The following LRRC28 variants were observed in gnomAD, a reference collection of about 807,000 sequenced individuals.
LRRC28 encodes the protein leucine-rich repeat-containing protein 28.
LRRC28 carries 39 observed loss-of-function variants against 45.7 expected under a neutral mutation model. The observed-to-expected ratio is 0.85, with a 90% CI of 0.66 to 1.12. The LOEUF is 1.12. LRRC28 is among the 50% of genes most tolerant of loss of function. The pLI, the probability that LRRC28 is intolerant of heterozygous loss-of-function variation, is 0.00. For synonymous variants in LRRC28, 206 were observed against 178.8 expected, an observed-to-expected ratio of 1.15 and a Z score of -1.22; for missense variants, 435 against 438.5, an observed-to-expected ratio of 0.99 and a Z score of 0.07.
chr15:99,307,170 T>C (rs1244373522), intron 5 of LRRC28, among the ~76,000 whole-genome samples: 1 of 152,182 alleles, frequency 6.6e-6, no homozygotes, highest in Non-Finnish European at 1.5e-5. Flanking sequence ...ACTAGACTTT[T>C]GGCAGATAGA....
intron 3 of LRRC28, among the ~76,000 whole-genome samples, chr15:99,280,066 A>G (rs777211204): frequency 2.6e-5 from 4 of 152,172 alleles, no homozygotes; most frequent in Non-Finnish European, 4.4e-5. Context: ...GACTAATGAT[A>G]TTGAACATCC....
At chr15:99,352,332 G>A (rs973851424) in intron 6 of LRRC28, 37 bp from the exon 7 acceptor site, 7 of 1,339,960 alleles carry the variant, frequency 5.2e-6, no homozygotes, top group Non-Finnish European at 7.5e-6. Flanking sequence ...AATGGTGCCT[G>A]TATATAGGAA....
intron 6 of LRRC28, among the ~76,000 whole-genome samples, chr15:99,336,055 G>A (rs936184924): frequency 1.3e-5 from 2 of 152,078 alleles, no homozygotes; most frequent in African/African-American, 4.8e-5. Context: ...TAATGTTGTT[G>A]TTATTACAGA....
rs143900450 is a variant in LRRC28 at position 99,308,415 on chromosome 15, C to T, written c.385+20464C>T. ...ATCATGGTGGCTCACACCTATAATC[C>T]CAGCACTTTGGGAGGCCGAGGTAGG... On this transcript the variant is annotated intron_variant, in intron 5 of 9. Transcript: ENST00000301981. Among the ~76,000 whole-genome samples the T allele has an allele frequency of 5.9e-4, 89 of 152,084 alleles. 2 individuals carry two copies. The East Asian group carries it at 0.017, about 29-fold the overall frequency.
intron 4 of LRRC28, among the ~76,000 whole-genome samples, chr15:99,287,568 T>C (rs1309195180): frequency 1.3e-5 from 2 of 152,220 alleles, no homozygotes; most frequent in Non-Finnish European, 2.9e-5. Flanking sequence ...AAGCCCTGTG[T>C]ATCATTTCTT....
intron 3 of LRRC28, among the ~76,000 whole-genome samples, chr15:99,277,741 T>A (rs771469728): frequency 6.6e-5 from 10 of 152,182 alleles, no homozygotes; most frequent in Non-Finnish European, 1.3e-4. Context: ...TTTATTATTT[T>A]CTGAAGCTTT....
chr15:99,259,013 A>C (rs1313562968), intron 2 of LRRC28: 2 of 794,394 alleles, frequency 2.5e-6, no homozygotes, highest in African/African-American at 3.4e-5. Context: ...ACTTGTTCAT[A>C]AAACTCTGGA....
chr15:99,383,235 G>A (rs1304411375), intron 9 of LRRC28, among the ~76,000 whole-genome samples: 1 of 152,152 alleles, frequency 6.6e-6, no homozygotes, highest in Non-Finnish European at 1.5e-5. Flanking sequence ...AATTGCATCT[G>A]TGCCTGTTAC....
At chr15:99,345,979 G>A (rs921680582) in intron 6 of LRRC28, among the ~76,000 whole-genome samples, 2 of 151,954 alleles carry the variant, frequency 1.3e-5, no homozygotes, top group Non-Finnish European at 2.9e-5. Context: ...CTAGGTTAAC[G>A]CCTCTCTTTT....
chr15:99,275,067 A>G (rs1039537259), intron 2 of LRRC28, among the ~76,000 whole-genome samples: 57 of 152,268 alleles, frequency 3.7e-4, no homozygotes, highest in African/African-American at 1.4e-3. Context: ...TTCTTTTCGT[A>G]TGTGTAAATT....
intron 5 of LRRC28, among the ~76,000 whole-genome samples, chr15:99,326,234 T>A (rs1449510481): frequency 1.3e-5 from 2 of 152,178 alleles, no homozygotes; most frequent in African/African-American, 2.4e-5. Flanking sequence ...ATAAAAAAAA[T>A]GATTAAAAGG....
At chr15:99,342,007 A>G (rs980237289) in intron 6 of LRRC28, among the ~76,000 whole-genome samples, 1 of 152,218 alleles carries the variant, frequency 6.6e-6, no homozygotes, top group Admixed American at 6.5e-5. Context: ...TTTGCTCTTC[A>G]TACAAGCAGC....
At chr15:99,265,425 C>T (rs189792410) in intron 2 of LRRC28, among the ~76,000 whole-genome samples, 6 of 152,182 alleles carry the variant, frequency 3.9e-5, no homozygotes, top group South Asian at 2.1e-4. Flanking sequence ...GTATTGGGCA[C>T]GACTGAGTAA....
chr15:99,318,926 A>G (rs183220660), intron 5 of LRRC28, among the ~76,000 whole-genome samples: 13 of 152,200 alleles, frequency 8.5e-5, no homozygotes, highest in South Asian at 4.1e-4. Flanking sequence ...GGGAATTTCA[A>G]AGAAAGAAAC....
intron 5 of LRRC28, among the ~76,000 whole-genome samples, chr15:99,303,729 G>A (rs1955069930): frequency 6.6e-6 from 1 of 152,082 alleles, no homozygotes; most frequent in Non-Finnish European, 1.5e-5. Flanking sequence ...AGCTACTCAG[G>A]AGGCTGAGGC....
At chr15:99,348,639 G>C (rs978653636) in intron 6 of LRRC28, among the ~76,000 whole-genome samples, 1 of 151,736 alleles carries the variant, frequency 6.6e-6, no homozygotes, top group Non-Finnish European at 1.5e-5. Flanking sequence ...GCATCATAGT[G>C]TTTTTGTTAC....
At chr15:99,368,742 A>G (rs942301257) in intron 9 of LRRC28, among the ~76,000 whole-genome samples, 2 of 152,088 alleles carry the variant, frequency 1.3e-5, no homozygotes, top group African/African-American at 2.4e-5. Flanking sequence ...GAAGTCACAT[A>G]CCTAATCTGT....
intron 5 of LRRC28, among the ~76,000 whole-genome samples, chr15:99,327,310 A>G (rs1420175457): frequency 6.6e-6 from 1 of 152,084 alleles, no homozygotes; most frequent in Admixed American, 6.5e-5. Flanking sequence ...CCTGACCTCA[A>G]GTGATCCACC....
intron 2 of LRRC28, among the ~76,000 whole-genome samples, chr15:99,264,159 C>G (rs1234707116): frequency 6.6e-6 from 1 of 152,184 alleles, no homozygotes; most frequent in Non-Finnish European, 1.5e-5. Flanking sequence ...CTGTGTCTTT[C>G]CCCCATTAGC....
Sources: gnomAD v4.1 joint callset for allele counts (sites outside exome capture counted in the v4.1 genomes callset) on GRCh38, gnomAD v4.1.1 for gene constraint, MANE v1.5 for transcripts, NCBI Gene and HGNC (gene_info 2026-07-23, HGNC 2026-07-21) for gene names.